The following SFTPD variants were observed in gnomAD, a reference collection of about 807,000 sequenced individuals.
SFTPD encodes the protein pulmonary surfactant-associated protein D.
SFTPD carries 18 observed loss-of-function variants against 34.6 expected under a neutral mutation model. The ratio of observed to expected loss-of-function variants is 0.52; its 90% CI spans 0.36 to 0.77. The LOEUF (loss-of-function observed/expected upper bound fraction) is 0.77. Ranked by LOEUF, SFTPD falls within the 30% of genes least tolerant of loss-of-function variation. SFTPD has a pLI of 0.00. For missense variants in SFTPD, 433 were observed against 468.9 expected, an observed-to-expected ratio of 0.92 and a Z score of 0.71; for synonymous variants, 155 against 180.9, an observed-to-expected ratio of 0.86 and a Z score of 1.15.
intron 1 of SFTPD, among the ~76,000 whole-genome samples, chr10:79,963,864 G>A (rs999137034): frequency 4.6e-5 from 7 of 152,100 alleles, no homozygotes; most frequent in Admixed American, 1.3e-4. Flanking sequence ...TTTTATTGCT[G>A]TGTAGTATTC....
At chr10:79,973,617 CAAAAAA>C (rs5786429) in intron 1 of SFTPD, among the ~76,000 whole-genome samples, 1 of 90,644 alleles carries the variant, frequency 1.1e-5, no homozygotes, top group African/African-American at 4.0e-5. Flanking sequence ...GACTCTGTCT[CAAAAAA>C]AAAAAAAAAA....
At chr10:79,962,273 T>C (rs1589340809) in intron 1 of SFTPD, among the ~76,000 whole-genome samples, 10 of 150,522 alleles carry the variant, frequency 6.6e-5, no homozygotes, top group Middle Eastern at 3.4e-3. Context: ...TGTGCACATG[T>C]ACCCTAAAAC....
At chr10:79,972,041 A>G (rs1406642855) in intron 1 of SFTPD, 2 of 152,224 alleles carry the variant, frequency 1.3e-5, no homozygotes, top group Non-Finnish European at 2.9e-5. Flanking sequence ...ACATGCTGCA[A>G]AGCTCACCAG....
intron 1 of SFTPD, among the ~76,000 whole-genome samples, chr10:79,946,872 C>G (rs1031154806): frequency 6.6e-6 from 1 of 152,230 alleles, no homozygotes; most frequent in Non-Finnish European, 1.5e-5. Flanking sequence ...AGCTGGAACT[C>G]TGACATAGGT....
chr10:79,940,419 G>T (rs1232710245), intron 7 of SFTPD, among the ~76,000 whole-genome samples: 1 of 152,180 alleles, frequency 6.6e-6, no homozygotes, highest in African/African-American at 2.4e-5. Context: ...CTGGTGAGCT[G>T]GTGATAGGGG....
At chr10:79,940,554 A>G in intron 7 of SFTPD, 151 bp downstream of exon 7, 1 of 573,570 alleles carries the variant, frequency 1.7e-6, no homozygotes, top group Non-Finnish European at 3.2e-6. Flanking sequence ...AGCCCTACAC[A>G]GGTCCCAGCT....
At chr10:79,953,550 C>T (rs1490879580), upstream of SFTPD, among the ~76,000 whole-genome samples, 1 of 151,564 alleles carries the variant, frequency 6.6e-6, no homozygotes, top group East Asian at 1.9e-4. Context: ...TCAGTTTTCT[C>T]CTGCTGCTTT....
rs768669170 is a variant in SFTPD at position 79,946,481 on chromosome 10, C to G, written c.179G>C (p.Arg60Pro). ...CCTACCTGGGTCCCCCTTCTCGCCC[C>G]GAGGGCCCTCTCTCCCATCCCGTCC... Reference protein sequence around the residue: ...RDGRDGREGPRGEKGDPGLPG... With the variant: ...RDGRDGREGPPGEKGDPGLPG... Residue 60 changes from arginine to proline, a missense_variant, in exon 2 of 8, where the codon CGG becomes CCG. Arg to Pro is a moderately radical substitution (Grantham distance 103). Transcript: ENST00000372292. The G allele has an allele frequency of 6.2e-7, 1 of 1,613,988 alleles. No homozygotes were observed. The highest frequency in any genetic ancestry group is 2.2e-5 in the East Asian group (1 of 44,878).
chr10:79,946,553 G>T lies in SFTPD; in HGVS notation c.107C>A (p.Thr36Asn). The change falls in exon 2 of 8, where the codon ACC becomes AAC. Residue 36 changes from threonine to asparagine, a missense_variant. Transcript: ENST00000372292. ...YSHRTMPSAC[T>N]LVMCSSVESG... ...CTCCACTGAGCTACACATGACCAGG[G>T]TGCAAGCACTGGGCATTGTTCTGTG... 6.2e-7 allele frequency: 1 copy of T among 1,614,188 alleles called. No homozygotes were observed. Among genetic ancestry groups the T allele is most frequent in the Non-Finnish European group, 8.5e-7 (1 of 1,180,004 alleles).
At chr10:79,967,218 G>T (rs1212260677) in intron 1 of SFTPD, among the ~76,000 whole-genome samples, 20 of 130,098 alleles carry the variant, frequency 1.5e-4, no homozygotes, top group Middle Eastern at 7.6e-3. Context: ...TCAAAGAGAA[G>T]AAAATACCTA....
chr10:79,952,997 C>G (rs1332564105), upstream of SFTPD, among the ~76,000 whole-genome samples: 3 of 152,202 alleles, frequency 2.0e-5, no homozygotes, highest in African/African-American at 7.2e-5. Context: ...CCTTGGAAGT[C>G]AATCTCTGCA....
rs1292478269 is a variant in SFTPD, at chr10:79,941,826, G to A, written c.550+128C>T. On this transcript the variant is annotated intron_variant, in intron 5 of 7. Transcript: ENST00000372292. Reference sequence around the variant, plus strand: ...CCCTCATGCACCCTTCTTGGATACAGATTCTCTCCATGTTCCAGCGATACC... The same window carrying A: ...CCCTCATGCACCCTTCTTGGATACAAATTCTCTCCATGTTCCAGCGATACC... The A allele has an allele frequency of 6.9e-6, 5 of 726,624 alleles. No individual in the cohort carries two copies. The African/African-American group carries it at 8.7e-5, about 13-fold the overall frequency. The allele number at this position is 726,624 out of a possible 1,614,324, so 45.0% of individuals were successfully genotyped here. A position where few individuals can be genotyped will look rare whatever the true frequency, so the allele number is the denominator to read the frequency against.
intron 1 of SFTPD, among the ~76,000 whole-genome samples, chr10:79,980,544 C>G (rs1401876175): frequency 6.6e-6 from 1 of 152,176 alleles, no homozygotes; most frequent in Non-Finnish European, 1.5e-5. Flanking sequence ...CAGGTGTGAC[C>G]CAGCACAATC....
chr10:79,943,907 G>A (rs1363202509), intron 2 of SFTPD, among the ~76,000 whole-genome samples: 1 of 152,232 alleles, frequency 6.6e-6, no homozygotes, highest in African/African-American at 2.4e-5. Flanking sequence ...TCAGCAGCAG[G>A]AAGATGGACC....
At chr10:79,940,208 T>A (rs111574309) in intron 7 of SFTPD, among the ~76,000 whole-genome samples, 1 of 152,218 alleles carries the variant, frequency 6.6e-6, no homozygotes, top group East Asian at 1.9e-4. Context: ...GGGACTCCCA[T>A]ACCTGGCCCC....
At chr10:79,981,714 C>G (rs1842891363) in intron 1 of SFTPD, 1 of 155,306 alleles carries the variant, frequency 6.4e-6, no homozygotes, top group South Asian at 1.8e-4. Context: ...TCTGGGCAGG[C>G]GCCTCCCACT....
intron 1 of SFTPD, among the ~76,000 whole-genome samples, chr10:79,955,707 T>G (rs1169330682): frequency 3.9e-5 from 6 of 152,232 alleles, no homozygotes; most frequent in African/African-American, 1.4e-4. Context: ...CTAATAAAAA[T>G]GACAAAGTGA....
intron 5 of SFTPD, 66 bp from the exon 6 acceptor site, chr10:79,941,580 A>C: frequency 8.2e-7 from 1 of 1,220,318 alleles, no homozygotes; most frequent in Middle Eastern, 2.0e-4. Flanking sequence ...TAGCATTTTT[A>C]CCTTCCCATA....
At chr10:79,944,606 C>T (rs1251413876) in intron 2 of SFTPD, among the ~76,000 whole-genome samples, 1 of 152,062 alleles carries the variant, frequency 6.6e-6, no homozygotes, top group African/African-American at 2.4e-5. Flanking sequence ...AGCAGGGGTA[C>T]AGGGGTACAG....
Sources: allele counts gnomAD v4.1 joint callset (sites outside exome capture counted in the v4.1 genomes callset), GRCh38; gene constraint gnomAD v4.1.1; transcripts MANE v1.5; gene names NCBI Gene and HGNC (gene_info 2026-07-23, HGNC 2026-07-21).